The following SLC25A21 variants were observed in gnomAD, a reference collection of about 807,000 sequenced individuals.
SLC25A21 encodes solute carrier family 25 member 21, also known as mitochondrial 2-oxodicarboxylate carrier.
Under a neutral mutation model 43.8 loss-of-function variants are expected in SLC25A21, and 47 were observed. The ratio of observed to expected loss-of-function variants is 1.07; its 90% confidence interval spans 0.85 to 1.37. SLC25A21 has a LOEUF of 1.37. Ranked by LOEUF, SLC25A21 falls within the 40% of genes most tolerant of loss-of-function variation. SLC25A21 has a pLI of 0.00. For missense variants in SLC25A21, 352 were observed against 350.2 expected (o/e 1.00, Z -0.04); for synonymous variants, 131 against 121.3 (o/e 1.08, Z -0.52).
chr14:36,824,370 AC>A (rs1229408491), intron 2 of SLC25A21, among the ~76,000 whole-genome samples: 2 of 152,172 alleles, frequency 1.3e-5, no homozygotes, highest in South Asian at 4.1e-4. Flanking sequence ...GATTAACCTC[AC>A]ATGTTACCAA....
At chr14:37,139,728 C>T (rs560397996) in intron 1 of SLC25A21, among the ~76,000 whole-genome samples, 3 of 152,246 alleles carry the variant, frequency 2.0e-5, no homozygotes, top group South Asian at 2.1e-4. Flanking sequence ...TTACAAAAGA[C>T]AGTGAAGGCA....
At chr14:36,782,102 G>A (rs1887085299) in intron 3 of SLC25A21, among the ~76,000 whole-genome samples, 1 of 152,178 alleles carries the variant, frequency 6.6e-6, no homozygotes, top group African/African-American at 2.4e-5. Flanking sequence ...TCTGCTAAAA[G>A]TCTAATGAGG....
intron 2 of SLC25A21, among the ~76,000 whole-genome samples, chr14:36,837,164 A>G (rs1325878856): frequency 6.6e-6 from 1 of 152,100 alleles, no homozygotes; most frequent in Non-Finnish European, 1.5e-5. Context: ...TAGAGAAGCC[A>G]CGGTGGGGAG....
chr14:36,831,735 C>T (rs1021985132), intron 2 of SLC25A21, among the ~76,000 whole-genome samples: 1 of 14,122 alleles, frequency 7.1e-5, no homozygotes, highest in Non-Finnish European at 4.3e-3. Flanking sequence ...AAAATGCTTC[C>T]TTTGCTGTTT....
At chr14:36,745,663 T>A (rs916108248) in intron 3 of SLC25A21, among the ~76,000 whole-genome samples, 15 of 152,232 alleles carry the variant, frequency 9.9e-5, no homozygotes, top group Non-Finnish European at 2.2e-4. Flanking sequence ...TATCTGTTCA[T>A]ATCCTTTGCC....
chr14:36,737,272 G>A (rs1566556538), intron 3 of SLC25A21, among the ~76,000 whole-genome samples: 1 of 152,246 alleles, frequency 6.6e-6, no homozygotes, highest in Non-Finnish European at 1.5e-5. Flanking sequence ...AAAGTGATGG[G>A]GTAAAATATT....
chr14:36,899,643 G>C (rs1160355430), intron 1 of SLC25A21, among the ~76,000 whole-genome samples: 1 of 152,178 alleles, frequency 6.6e-6, no homozygotes, highest in East Asian at 1.9e-4. Flanking sequence ...CCAAGTATGT[G>C]AGATTTAAAC....
chr14:37,045,426 G>C (rs1167400311), intron 1 of SLC25A21, among the ~76,000 whole-genome samples: 1 of 152,050 alleles, frequency 6.6e-6, no homozygotes, highest in Non-Finnish European at 1.5e-5. Flanking sequence ...TGAATGAAAA[G>C]ACAAACTGCT....
rs2138966304 is a variant in SLC25A21 at position 37,172,453 on chromosome 14, A to G, written c.-103T>C. On this transcript the variant is annotated 5_prime_UTR_variant, in exon 1 of 10. Coordinates refer to ENST00000331299, the MANE Select transcript of SLC25A21 (RefSeq NM_030631.4). ...AGAGCCCCGGCTGGGCTGGTCCTCA[A>G]GCGCGTTGGCTCCCTGTGGAGCAGC... 1 of 1,219,446 alleles carries G rather than the reference A, an allele frequency of 8.2e-7. No individual in the cohort carries two copies. The highest frequency in any genetic ancestry group is 1.3e-5 in the South Asian group (1 of 77,574). The allele number at this position is 1,219,446 out of a possible 1,614,324, so 75.5% of individuals were successfully genotyped here.
intron 1 of SLC25A21, among the ~76,000 whole-genome samples, chr14:37,134,599 C>A (rs1403796540): frequency 6.7e-6 from 1 of 149,300 alleles, no homozygotes; most frequent in East Asian, 2.0e-4. Flanking sequence ...GAGCCATGCT[C>A]ACTCCACTGC....
At chr14:36,791,885 G>A (rs60809272) in intron 3 of SLC25A21, among the ~76,000 whole-genome samples, 28,251 of 151,994 alleles carry the variant, frequency 0.19, 2,922 homozygotes, top group East Asian at 0.3. Flanking sequence ...AAGAGGCACC[G>A]GGAGGCTTCT....
At chr14:36,681,369 T>C (rs1455088265) in intron 9 of SLC25A21, among the ~76,000 whole-genome samples, 2 of 152,220 alleles carry the variant, frequency 1.3e-5, no homozygotes, top group Non-Finnish European at 2.9e-5. Context: ...ACCATTTGTC[T>C]TGGAAGAAAA....
rs550730498 is a variant in SLC25A21, at chr14:36,921,628, A to C, written c.71-46624T>G. Among the ~76,000 whole-genome samples, 4 of 152,286 alleles carry C rather than the reference A, an allele frequency of 2.6e-5. No homozygotes were observed. The South Asian group carries it at 8.3e-4, about 32-fold the overall frequency. On this transcript the variant is annotated intron_variant, in intron 1 of 9. Coordinates refer to ENST00000331299, the MANE Select transcript of SLC25A21 (RefSeq NM_030631.4). ...ATTTCAATAAAATTCAAAAGACAGC[A>C]AAACTAATCAAGGGTGGCAGATTTT...
intron 1 of SLC25A21, among the ~76,000 whole-genome samples, chr14:36,898,228 C>T (rs577818333): frequency 8.6e-4 from 131 of 152,308 alleles, no homozygotes; most frequent in African/African-American, 3.0e-3. Flanking sequence ...CAAGCCTCAG[C>T]AATGGCAGGC....
rs907772314 is a variant in SLC25A21, at chr14:37,080,592, C to G, written c.70+91689G>C. On this transcript the variant is annotated intron_variant, in intron 1 of 9. Transcript: ENST00000331299. ...TTCCGCCTGGGTGACAGAGCAAGAC[C>G]CTGCCTCAAAAACAAACAAACAAGA... Among the ~76,000 whole-genome samples, 4 of 152,184 alleles carry G rather than the reference C, an allele frequency of 2.6e-5. No homozygotes were observed. In the East Asian group the frequency reaches 7.7e-4, roughly 29 times the overall value.
intron 1 of SLC25A21, among the ~76,000 whole-genome samples, chr14:37,049,772 G>A (rs554595990): frequency 6.6e-6 from 1 of 152,072 alleles, no homozygotes; most frequent in Non-Finnish European, 1.5e-5. Context: ...TTAATGTAAT[G>A]TATCCAAAAT....
At chr14:36,771,253 T>C (rs952733286) in intron 3 of SLC25A21, among the ~76,000 whole-genome samples, 26 of 152,312 alleles carry the variant, frequency 1.7e-4, no homozygotes, top group African/African-American at 6.0e-4. Flanking sequence ...AAGTACTGTA[T>C]GAGTCTTACA....
intron 1 of SLC25A21, among the ~76,000 whole-genome samples, chr14:37,131,022 G>C (rs1963383669): frequency 6.6e-6 from 1 of 152,182 alleles, no homozygotes; most frequent in African/African-American, 2.4e-5. Flanking sequence ...GATAATCAGA[G>C]AGAAAAACAA....
At chr14:36,906,338 TTC>T (rs1891532907) in intron 1 of SLC25A21, among the ~76,000 whole-genome samples, 2 of 152,060 alleles carry the variant, frequency 1.3e-5, no homozygotes, top group South Asian at 4.1e-4. Flanking sequence ...TCAGAGAGAA[TTC>T]TGTCAAGATT....
Sources: gnomAD v4.1 joint callset for allele counts (sites outside exome capture counted in the v4.1 genomes callset) on GRCh38, gnomAD v4.1.1 for gene constraint, MANE v1.5 for transcripts, NCBI Gene and HGNC (gene_info 2026-07-23, HGNC 2026-07-21) for gene names.